Variants in UBA52 observed in about 807,000 individuals in gnomAD.
The protein encoded by UBA52 is ubiquitin-ribosomal protein eL40 fusion protein.
Under a neutral mutation model 15.3 loss-of-function variants are expected in UBA52, and 1 was observed. The observed-to-expected ratio is 0.07, with a 90% CI of 0.02 to 0.31. The LOEUF is 0.31. UBA52 is among the 10% of genes least tolerant of loss of function. The pLI is 1.00. For missense variants in UBA52, 87 were observed against 168.0 expected (o/e 0.52, Z 2.66); for synonymous variants, 50 against 58.3 (o/e 0.86, Z 0.65).
intron 2 of UBA52, 32 bp downstream of exon 2, chr19:18,573,435 G>C: frequency 6.4e-7 from 1 of 1,573,330 alleles, no homozygotes; most frequent in Non-Finnish European, 8.7e-7. Context: ...GGCTCTGGCT[G>C]TGAACTGGGA....
chr19:18,573,442 G>C (rs1975609307), intron 2 of UBA52, 39 bp downstream of exon 2: 3 of 1,552,516 alleles, frequency 1.9e-6, no homozygotes, highest in Non-Finnish European at 2.7e-6. Flanking sequence ...GCTGTGAACT[G>C]GGAGTCCCTC....
At chr19:18,573,479 G>A (rs531804994) in intron 2 of UBA52, 76 bp downstream of exon 2, 2 of 1,396,006 alleles carry the variant, frequency 1.4e-6, no homozygotes, top group Non-Finnish European at 2.0e-6. Context: ...TCAGTCCTGT[G>A]TGGGTTGTGC....
At chr19:18,563,792 G>A in the UBA52 span, among the ~76,000 whole-genome samples, 3 of 152,020 alleles carry the variant, frequency 2.0e-5, no homozygotes, top group Non-Finnish European at 2.9e-5. Context: ...GTGAGCCACC[G>A]TGCCCGGCCC....
At position 18,573,389 on chromosome 19, in the gene UBA52, T is replaced by C; in HGVS notation, c.89T>C (p.Ile30Thr). 6.2e-7 allele frequency: 1 copy of C among 1,614,052 alleles called. No homozygotes were observed. Among genetic ancestry groups the C allele is most frequent in the Non-Finnish European group, 8.5e-7 (1 of 1,179,976 alleles). The change falls in exon 2 of 5, where the codon ATT (isoleucine) becomes ACT (threonine). Residue 30 changes from isoleucine to threonine, a missense_variant. Transcript: ENST00000442744. ...ACCATTGAGAATGTCAAAGCCAAAATTCAAGACAAGGAGGGTGAGTAGGGC... is the reference window on the plus strand; with the variant it reads ...ACCATTGAGAATGTCAAAGCCAAAACTCAAGACAAGGAGGGTGAGTAGGGC... The part of the protein sequence containing the change: ...SDTIENVKAK[I>T]QDKEGIPPDQ...
chr19:18,572,910 AGGGTGG>A, intron 1 of UBA52: 1 of 1,085,844 alleles, frequency 9.2e-7, no homozygotes, highest in South Asian at 2.5e-5. Flanking sequence ...GCCGTGGAAG[AGGGTGG>A]GACCGCCTTC....
rs773902580 is a variant in UBA52, at chr19:18,576,975, ATT to A, written c.*1847_*1848del. 2.1e-4 allele frequency: 24 copies of A among 113,024 alleles called. No homozygotes were observed. Among genetic ancestry groups the A allele is most frequent in the Middle Eastern group, 5.4e-3 (1 of 184 alleles). 7.0% of individuals were successfully genotyped at this position (113,024 alleles called of 1,614,324 possible). A position where few individuals can be genotyped will look rare whatever the true frequency, so the allele number is the denominator to read the frequency against. ...AAGCCACAGCGCCTGGCCTTGCTAC[ATT>A]TTTTTTTTTTTTTTTTTTTTTACAG... On this transcript the variant is annotated 3_prime_UTR_variant, in exon 5 of 5. Transcript: ENST00000442744.
chr19:18,576,149 G>A lies in UBA52; in HGVS notation c.*999G>A, dbSNP rs1043289627. The stretch of plus-strand genomic sequence containing the variant: ...CTCCTATGATAATCACTCTTAAGAA[G>A]GGCAACCCTTGGTGTTTTCCCCTTA... On this transcript the variant is annotated 3_prime_UTR_variant, in exon 5 of 5. Transcript: ENST00000442744. The A allele has an allele frequency of 3.2e-4, 48 of 151,988 alleles. No individual in the cohort carries two copies. Among genetic ancestry groups the A allele is most frequent in the African/African-American group, 1.1e-3 (45 of 41,400 alleles). The allele number at this position is 151,988 out of a possible 1,614,324, so 9.4% of individuals were successfully genotyped here. A position where few individuals can be genotyped will look rare whatever the true frequency, so the allele number is the denominator to read the frequency against.
chr19:18,567,427 G>T, upstream of UBA52: 1 of 679,020 alleles, frequency 1.5e-6, no homozygotes, highest in South Asian at 1.6e-5. Flanking sequence ...TAAGCAGCAT[G>T]ACAATCCTTA....
upstream of UBA52, chr19:18,571,668 G>C (rs1282796603): frequency 6.6e-6 from 1 of 152,276 alleles, no homozygotes; most frequent in Non-Finnish European, 1.5e-5. Flanking sequence ...CAAGTGACTC[G>C]GCGGGCGGGG....
the UBA52 span, chr19:18,564,986 G>A: frequency 6.2e-7 from 1 of 1,609,844 alleles, no homozygotes. Context: ...TAGTAGAGAT[G>A]AAACGGGACC....
At chr19:18,570,507 C>CCTT (rs1555752290), upstream of UBA52, among the ~76,000 whole-genome samples, 543 of 44,778 alleles carry the variant, frequency 0.012, 73 homozygotes, top group Non-Finnish European at 0.016. Context: ...CGCCGTGGCA[C>CCTT]TTTTTTTTTT....
At chr19:18,573,460 AG>A in intron 2 of UBA52, 57 bp downstream of exon 2, 1 of 1,480,860 alleles carries the variant, frequency 6.8e-7, no homozygotes, top group Non-Finnish European at 9.4e-7. Flanking sequence ...CTCTCTGCCC[AG>A]GGGAGTCTCA....
the UBA52 span, among the ~76,000 whole-genome samples, chr19:18,564,494 G>A: frequency 5.4e-4 from 82 of 152,170 alleles, no homozygotes; most frequent in African/African-American, 1.9e-3. Context: ...GGTGGCGGAC[G>A]CCTGTAGTCC....
chr19:18,564,730 T>C, the UBA52 span: 393 of 928,752 alleles, frequency 4.2e-4, 1 homozygote, highest in African/African-American at 5.3e-3. Flanking sequence ...AAAGAGTAGG[T>C]AGAACTCTGC....
At position 18,573,336 on chromosome 19, in the gene UBA52, C is replaced by G. The variant is rs1600618505; in HGVS notation, c.36C>G (p.Thr12=). The G allele has an allele frequency of 1.2e-6, 2 of 1,614,168 alleles. No individual in the cohort carries two copies. The highest frequency in any genetic ancestry group is 4.5e-5 in the East Asian group (2 of 44,886). ...QIFVKTLTGK[T]ITLEVEPSDT... ...TTGTGAAGACCCTCACTGGCAAAAC[C>G]ATCACCCTTGAGGTCGAGCCCAGTG... Residue 12 remains threonine, a synonymous_variant, in exon 2 of 5, where the codon ACC becomes ACG. Transcript: ENST00000442744.
At chr19:18,570,119 T>C (rs1293054682), upstream of UBA52, among the ~76,000 whole-genome samples, 1 of 152,196 alleles carries the variant, frequency 6.6e-6, no homozygotes, top group African/African-American at 2.4e-5. Flanking sequence ...TGCCTGCAAA[T>C]GTTCAAGGAA....
At position 18,576,054 on chromosome 19, in the gene UBA52, C is replaced by T. The variant is rs1975770045; in HGVS notation, c.*904C>T. 1 of 152,272 alleles carries T rather than the reference C, an allele frequency of 6.6e-6. No homozygotes were observed. The highest frequency in any genetic ancestry group is 1.5e-5 in the Non-Finnish European group (1 of 68,112). The allele number at this position is 152,272 out of a possible 1,614,324, so 9.4% of individuals were successfully genotyped here. ...AGCCAGCACGCCTGGCCCAGTTACT[C>T]AGTTTTGAATCTGAGGCCGTGACAT... On this transcript the variant is annotated 3_prime_UTR_variant, in exon 5 of 5. Transcript: ENST00000442744.
rs183152369 is a variant in UBA52, at chr19:18,573,924, G to A, written c.190+176G>A. 106 of 611,802 alleles carry A rather than the reference G, an allele frequency of 1.7e-4. No homozygotes were observed. The African/African-American group carries it at 1.8e-3, about 10-fold the overall frequency. The allele number at this position is 611,802 out of a possible 1,614,324, so 37.9% of individuals were successfully genotyped here. A position where few individuals can be genotyped will look rare whatever the true frequency, so the allele number is the denominator to read the frequency against. On this transcript the variant is annotated intron_variant, in intron 3 of 4. Transcript: ENST00000442744. Reference sequence around the variant, plus strand: ...CCGGCACTTTGGGAGGCTTAGGCGGGTGGATCACCTGAGGTCAGGAGTTCA... The same window carrying A: ...CCGGCACTTTGGGAGGCTTAGGCGGATGGATCACCTGAGGTCAGGAGTTCA...
chr19:18,574,215 C>CA (rs41293565), intron 3 of UBA52, among the ~76,000 whole-genome samples: 1,764 of 143,694 alleles, frequency 0.012, 16 homozygotes, highest in African/African-American at 0.028. Flanking sequence ...ACTCGGGAGA[C>CA]AAAAAAAAAA....
Sources: allele counts gnomAD v4.1 joint callset (sites outside exome capture counted in the v4.1 genomes callset), GRCh38; gene constraint gnomAD v4.1.1; transcripts MANE v1.5; gene names NCBI Gene and HGNC (gene_info 2026-07-23, HGNC 2026-07-21).